The following SYNE2 variants were observed in gnomAD, a reference collection of about 807,000 sequenced individuals.
The protein encoded by SYNE2 is nesprin-2.
Under a neutral mutation model 856.3 loss-of-function variants are expected in SYNE2, and 431 were observed. The ratio of observed to expected loss-of-function variants is 0.50; its 90% confidence interval spans 0.47 to 0.55. The LOEUF (loss-of-function observed/expected upper bound fraction) is 0.55. Among genes scored for constraint, SYNE2 ranks in the 20% least tolerant of loss-of-function variants. The pLI, the probability that SYNE2 is intolerant of heterozygous loss-of-function variation, is 0.00. For synonymous variants in SYNE2, 2,923 were observed against 2,872.3 expected, an observed-to-expected ratio of 1.02 and a Z score of -0.56; for missense variants, 8,129 against 8,023.2, an observed-to-expected ratio of 1.01 and a Z score of -0.50.
intron 84 of SYNE2, 79 bp from the exon 85 acceptor site, chr14:64,152,485 A>C: frequency 7.0e-7 from 1 of 1,422,370 alleles, no homozygotes; most frequent in Non-Finnish European, 9.8e-7. Context: ...ACTTGAAAAG[A>C]GTGAACTCCT....
At chr14:64,161,468 T>A (rs1289815737) in intron 87 of SYNE2, among the ~76,000 whole-genome samples, 1 of 152,216 alleles carries the variant, frequency 6.6e-6, no homozygotes, top group African/African-American at 2.4e-5. Flanking sequence ...ATAAATTTTA[T>A]TTGATATAAA....
At chr14:63,954,640 A>G (rs1010352429) in intron 7 of SYNE2, 79 bp from the exon 8 acceptor site, 24 of 1,318,664 alleles carry the variant, frequency 1.8e-5, no homozygotes, top group South Asian at 1.8e-4. Context: ...GCCAAATTTT[A>G]ATTACTATTG....
chr14:63,880,476 A>T (rs1009850446), intron 1 of SYNE2, among the ~76,000 whole-genome samples: 1 of 151,936 alleles, frequency 6.6e-6, no homozygotes, highest in African/African-American at 2.4e-5. Context: ...ACTTTGAATA[A>T]GAATTCTATG....
Position 64,053,447 on chromosome 14 carries a change from A to C in SYNE2, c.9534A>C (p.Ile3178=). 1 of 1,613,526 alleles carries C rather than the reference A, an allele frequency of 6.2e-7. No homozygotes were observed. Among genetic ancestry groups the C allele is most frequent in the Non-Finnish European group, 8.5e-7 (1 of 1,179,898 alleles). ...IKSQLQQPLL[I]NLEIKHIQNE... is the part of the protein sequence containing the mutation. ...CTCAATTACAGCAGCCATTACTTAT[A>C]AATTTGGAAATTAAACATATTCAAA... is the stretch of plus-strand genomic sequence containing the variant. Residue 3178 remains isoleucine (I), a synonymous_variant, in exon 48 of 116, where the codon ATA becomes ATC. Transcript: ENST00000555002.
chr14:63,982,586 A>G (rs1248529674), intron 16 of SYNE2, 44 bp from the exon 17 acceptor site: 1 of 1,590,402 alleles, frequency 6.3e-7, no homozygotes, highest in South Asian at 1.1e-5. Flanking sequence ...ATAGAAAGAC[A>G]ATATCGTGTC....
intron 1 of SYNE2, among the ~76,000 whole-genome samples, chr14:63,833,393 T>C (rs1023623037): frequency 1.3e-5 from 2 of 152,084 alleles, no homozygotes; most frequent in Non-Finnish European, 2.9e-5. Context: ...CTCAAATAGA[T>C]AATATATGTG....
chr14:63,816,993 T>G (rs1309239229), intron 1 of SYNE2, among the ~76,000 whole-genome samples: 1 of 152,204 alleles, frequency 6.6e-6, no homozygotes, highest in Non-Finnish European at 1.5e-5. Flanking sequence ...GCAACCCTCC[T>G]GCCTCAGCCT....
intron 54 of SYNE2, 122 bp from the exon 55 acceptor site, chr14:64,078,344 C>G (rs2097486913): frequency 1.7e-6 from 2 of 1,187,228 alleles, no homozygotes; most frequent in African/African-American, 3.0e-5. Flanking sequence ...AGAATTTCTT[C>G]CCCCAGCCCT....
chr14:64,152,782 A>T (rs1018090309), intron 85 of SYNE2, 66 bp downstream of exon 85: 3 of 1,604,412 alleles, frequency 1.9e-6, no homozygotes, highest in Non-Finnish European at 2.6e-6. Flanking sequence ...TTGTCGTTGT[A>T]GTTGTTTTCG....
chr14:64,118,028 CATAG>C (rs147262245), intron 66 of SYNE2, among the ~76,000 whole-genome samples: 373 of 152,312 alleles, frequency 2.4e-3, no homozygotes, highest in African/African-American at 8.5e-3. Flanking sequence ...AAAGTAAAAG[CATAG>C]ATAAAGGGGC....
chr14:64,074,854 C>A (rs922064887), intron 53 of SYNE2, among the ~76,000 whole-genome samples: 1 of 149,854 alleles, frequency 6.7e-6, no homozygotes, highest in Non-Finnish European at 1.5e-5. Context: ...GAGATCGTGC[C>A]GCTGCAATCC....
intron 115 of SYNE2, 135 bp downstream of exon 115, chr14:64,225,180 C>T: frequency 6.4e-7 from 1 of 1,551,778 alleles, no homozygotes; most frequent in Non-Finnish European, 8.8e-7. Context: ...GTTTTCTCCT[C>T]TGAAACTGAA....
intron 31 of SYNE2, among the ~76,000 whole-genome samples, chr14:64,008,756 G>C (rs1008400440): frequency 6.6e-6 from 1 of 152,070 alleles, no homozygotes; most frequent in Non-Finnish European, 1.5e-5. Context: ...GGGTATTAGA[G>C]GGGAAGAAGA....
chr14:63,966,880 G>GT (rs1052086543), intron 10 of SYNE2, among the ~76,000 whole-genome samples: 10 of 150,048 alleles, frequency 6.7e-5, no homozygotes, highest in South Asian at 2.1e-4. Flanking sequence ...TCTTTTTTTT[G>GT]TTTTTTTTGA....
intron 8 of SYNE2, among the ~76,000 whole-genome samples, chr14:63,957,152 T>C (rs1436790134): frequency 6.6e-6 from 1 of 151,890 alleles, no homozygotes; most frequent in Admixed American, 6.6e-5. Context: ...CTTCGCTGTG[T>C]TGCCCAACAA....
At chr14:63,896,352 C>G (rs12588807) in intron 1 of SYNE2, among the ~76,000 whole-genome samples, 8,483 of 152,220 alleles carry the variant, frequency 0.056, 296 homozygotes, top group Admixed American at 0.099. Flanking sequence ...TGGGATCACA[C>G]TGAAATACAT....
intron 69 of SYNE2, 35 bp from the exon 70 acceptor site, chr14:64,122,251 G>T: frequency 6.2e-7 from 1 of 1,614,080 alleles, no homozygotes; most frequent in South Asian, 1.1e-5. Flanking sequence ...GTTTAGTGTT[G>T]ATTATTCTCT....
chr14:64,034,126 G>T (rs1398604708), intron 45 of SYNE2, among the ~76,000 whole-genome samples: 2 of 152,188 alleles, frequency 1.3e-5, no homozygotes, highest in Non-Finnish European at 2.9e-5. Flanking sequence ...TGTGACAAAT[G>T]ACATAACTGT....
At chr14:64,183,435 G>T (rs996717177) in intron 96 of SYNE2, among the ~76,000 whole-genome samples, 1 of 151,880 alleles carries the variant, frequency 6.6e-6, no homozygotes, top group African/African-American at 2.4e-5. Flanking sequence ...TCCCAGACTG[G>T]GCAGCCAGGC....
Sources: allele counts gnomAD v4.1 joint callset (sites outside exome capture counted in the v4.1 genomes callset), GRCh38; gene constraint gnomAD v4.1.1; transcripts MANE v1.5; gene names NCBI Gene and HGNC (gene_info 2026-07-23, HGNC 2026-07-21).